Variants in SUMF1 observed in about 807,000 individuals in gnomAD.
SUMF1 encodes the protein formylglycine-generating enzyme.
A neutral mutation model predicts 47.6 loss-of-function variants in SUMF1; 48 were observed. That is an observed-to-expected ratio of 1.01 (90% CI 0.80 to 1.28). The LOEUF (loss-of-function observed/expected upper bound fraction) is 1.28, where lower values mean the gene tolerates loss of function less well. SUMF1 is among the 50% of genes most tolerant of loss of function. The probability of loss-of-function intolerance (pLI) is 0.00; values close to 1 mark genes in which losing one functional copy is unlikely to be tolerated. For synonymous variants in SUMF1, 230 were observed against 192.1 expected, an observed-to-expected ratio of 1.20 and a Z score of -1.63; for missense variants, 571 against 485.4, an observed-to-expected ratio of 1.18 and a Z score of -1.66.
At chr3:4,434,904 A>G (rs1702347409) in intron 3 of SUMF1, among the ~76,000 whole-genome samples, 1 of 152,198 alleles carries the variant, frequency 6.6e-6, no homozygotes, top group Non-Finnish European at 1.5e-5. Flanking sequence ...AAGATGACCC[A>G]GAAGTTGGAA....
intron 8 of SUMF1, among the ~76,000 whole-genome samples, chr3:4,112,414 C>T (rs759371505): frequency 7.2e-5 from 11 of 151,972 alleles, no homozygotes; most frequent in African/African-American, 1.2e-4. Context: ...TTAGCTTGTG[C>T]CAAGAATAGA....
intron 8 of SUMF1, among the ~76,000 whole-genome samples, chr3:4,213,632 C>T (rs917321814): frequency 6.6e-6 from 1 of 152,114 alleles, no homozygotes; most frequent in African/African-American, 2.4e-5. Flanking sequence ...TGGATAGAGT[C>T]AAGACCCATC....
At chr3:4,245,698 G>C (rs1470085726) in intron 8 of SUMF1, among the ~76,000 whole-genome samples, 3 of 152,162 alleles carry the variant, frequency 2.0e-5, no homozygotes, top group Non-Finnish European at 4.4e-5. Flanking sequence ...GCAAGGGTCA[G>C]GGACCCACTT....
At chr3:4,229,850 CA>C (rs907382308) in intron 8 of SUMF1, among the ~76,000 whole-genome samples, 2 of 150,850 alleles carry the variant, frequency 1.3e-5, no homozygotes, top group Non-Finnish European at 1.5e-5. Flanking sequence ...CCTATCTCTA[CA>C]AAAAAAAATT....
At chr3:4,439,601 C>G (rs927642551) in intron 3 of SUMF1, among the ~76,000 whole-genome samples, 10 of 152,006 alleles carry the variant, frequency 6.6e-5, no homozygotes, top group African/African-American at 2.4e-4. Flanking sequence ...CCAAATCTCT[C>G]TCACTCAAAG....
chr3:4,418,106 G>A lies in SUMF1; in HGVS notation c.629C>T (p.Ser210Phe). 6.2e-7 allele frequency: 1 copy of A among 1,614,098 alleles called. No individual in the cohort carries two copies. The highest frequency in any genetic ancestry group is 1.1e-5 in the South Asian group (1 of 91,082). The change falls in exon 5 of 9, where the codon TCC (serine) becomes TTC (phenylalanine). Residue 210 changes from serine to phenylalanine, a missense_variant. By Grantham distance (155) the Ser-to-Phe change is radical (BLOSUM62 -2). Coordinates refer to ENST00000272902, the MANE Select transcript of SUMF1 (RefSeq NM_182760.4). ...GCAGTAGGCAACCGCATCATTCCAG[G>A]ACACATGGAGAACTGGATGATCCGG... ...HRPDHPVLHV[S>F]WNDAVAYCTW...
chr3:4,072,239 CCTGA>C (rs1261904045), intron 8 of SUMF1, among the ~76,000 whole-genome samples: 1 of 152,078 alleles, frequency 6.6e-6, no homozygotes, highest in Admixed American at 6.6e-5. Context: ...ATACAAGGGG[CCTGA>C]CTGTTAGAAG....
At chr3:4,268,372 A>T (rs1697240099) in intron 8 of SUMF1, among the ~76,000 whole-genome samples, 1 of 152,196 alleles carries the variant, frequency 6.6e-6, no homozygotes, top group South Asian at 2.1e-4. Context: ...AGCATGTCAC[A>T]TGTATACATA....
intron 8 of SUMF1, among the ~76,000 whole-genome samples, chr3:4,294,177 T>C (rs1296170035): frequency 6.6e-6 from 1 of 152,240 alleles, no homozygotes; most frequent in African/African-American, 2.4e-5. Flanking sequence ...TATCTAGGAA[T>C]GTGCTGTCCA....
chr3:4,268,181 A>T (rs1023996631), intron 8 of SUMF1, among the ~76,000 whole-genome samples: 4 of 152,138 alleles, frequency 2.6e-5, no homozygotes, highest in African/African-American at 9.7e-5. Flanking sequence ...GTGGGAACTG[A>T]ACAATGGGAA....
chr3:4,358,813 A>G (rs1324637910), downstream of SUMF1, among the ~76,000 whole-genome samples: 1 of 152,176 alleles, frequency 6.6e-6, no homozygotes, highest in Non-Finnish European at 1.5e-5. Flanking sequence ...TTTACTTTTG[A>G]TGGACGTGAT....
At position 4,176,017 on chromosome 3, in the gene SUMF1, T is replaced by C. The variant is rs144882517; in HGVS notation, c.1015-107272A>G. Reference sequence around the variant, plus strand: ...AGAGTAAAAAGAAATGAACAAAGCCTCCAAGAAATATGGGACTATGTGAAA... The same window carrying C: ...AGAGTAAAAAGAAATGAACAAAGCCCCCAAGAAATATGGGACTATGTGAAA... On this transcript the variant is annotated intron_variant and NMD_transcript_variant, in intron 8 of 12. Coordinates refer to the SUMF1 transcript ENST00000448413. Among the ~76,000 whole-genome samples the C allele has an allele frequency of 6.7e-3, 1,027 of 152,236 alleles. 11 individuals are homozygous for C. The highest frequency in any genetic ancestry group is 0.023 in the African/African-American group (973 of 41,546).
At chr3:4,434,091 A>G (rs1220447155) in intron 3 of SUMF1, among the ~76,000 whole-genome samples, 1 of 152,258 alleles carries the variant, frequency 6.6e-6, no homozygotes, top group African/African-American at 2.4e-5. Context: ...GAGAATTCAC[A>G]GAGGCTCAAA....
chr3:4,072,602 T>A (rs192768392), intron 8 of SUMF1, among the ~76,000 whole-genome samples: 58 of 152,270 alleles, frequency 3.8e-4, no homozygotes, highest in African/African-American at 1.4e-3. Context: ...GTTAAAGGAA[T>A]GGCTAACTAG....
intron 7 of SUMF1, among the ~76,000 whole-genome samples, chr3:4,378,033 C>A (rs1051184245): frequency 6.6e-6 from 1 of 152,226 alleles, no homozygotes; most frequent in Non-Finnish European, 1.5e-5. Flanking sequence ...TGCACATTAC[C>A]TTCTAAGCAT....
chr3:4,083,058 G>A (rs547368371), intron 8 of SUMF1, among the ~76,000 whole-genome samples: 1 of 152,228 alleles, frequency 6.6e-6, no homozygotes, highest in Middle Eastern at 3.4e-3. Context: ...GAACATTAGA[G>A]ACAATGGCAG....
At chr3:4,179,375 A>C (rs1695042044) in intron 8 of SUMF1, among the ~76,000 whole-genome samples, 1 of 152,172 alleles carries the variant, frequency 6.6e-6, no homozygotes, top group Non-Finnish European at 1.5e-5. Flanking sequence ...CTTCAGAAAT[A>C]CCACAACACA....
At chr3:4,168,445 C>A (rs2125121129) in intron 8 of SUMF1, among the ~76,000 whole-genome samples, 1 of 152,264 alleles carries the variant, frequency 6.6e-6, no homozygotes, top group Admixed American at 6.5e-5. Flanking sequence ...CAGCTCTGCT[C>A]AGAAGCAAGG....
At chr3:4,038,065 A>T (rs1046674675) in intron 9 of SUMF1, among the ~76,000 whole-genome samples, 1 of 152,086 alleles carries the variant, frequency 6.6e-6, no homozygotes, top group African/African-American at 2.4e-5. Context: ...CCCACTTAAG[A>T]GCTGGCTGTA....
Sources: allele counts gnomAD v4.1 joint callset (sites outside exome capture counted in the v4.1 genomes callset), GRCh38; gene constraint gnomAD v4.1.1; transcripts MANE v1.5; gene names NCBI Gene and HGNC (gene_info 2026-07-23, HGNC 2026-07-21).